The following ADAM28 variants were observed in gnomAD, a reference collection of about 807,000 sequenced individuals.
The protein encoded by ADAM28 is ADAM metallopeptidase domain 28.
Under a neutral mutation model 101.2 loss-of-function variants are expected in ADAM28, and 105 were observed. The observed-to-expected ratio is 1.04, with a 90% confidence interval of 0.89 to 1.22. The LOEUF is 1.22. ADAM28 is among the 50% of genes most tolerant of loss of function. The pLI is 0.00. For missense variants in ADAM28, 1,028 were observed against 945.4 expected, an observed-to-expected ratio of 1.09 and a Z score of -1.15; for synonymous variants, 322 against 310.6, an observed-to-expected ratio of 1.04 and a Z score of -0.39.
chr8:24,354,258 A>T (rs1455451778), intron 22 of ADAM28, 126 bp from the exon 23 acceptor site: 1 of 810,128 alleles, frequency 1.2e-6, no homozygotes, highest in Admixed American at 2.8e-5. Context: ...TTTTTGCTGT[A>T]TCAAGTGACC....
Position 24,349,844 on chromosome 8 carries a change from GC to G in ADAM28, c.1991-16del. 2 of 1,604,282 alleles carry G rather than the reference GC, an allele frequency of 1.2e-6. No individual in the cohort carries two copies. The highest frequency in any genetic ancestry group is 1.7e-6 in the Non-Finnish European group (2 of 1,171,654). ...TGTGTGTTTCTGCAGTCCTCAGCGGGCCCCTGTTCTCTGCTGCAGACTTCTC... is the reference window on the plus strand; with the variant it reads ...TGTGTGTTTCTGCAGTCCTCAGCGGGCCCTGTTCTCTGCTGCAGACTTCTC... On this transcript the variant is annotated intron_variant, in intron 18 of 22. Coordinates refer to ENST00000265769, the MANE Select transcript of ADAM28 (RefSeq NM_014265.6).
intron 14 of ADAM28, chr8:24,336,064 G>A (rs1814007178): frequency 2.0e-6 from 2 of 992,330 alleles, no homozygotes; most frequent in South Asian, 9.4e-5. Flanking sequence ...GTGTGTGCAG[G>A]GGTGGCAGAA....
At chr8:24,351,388 C>A in intron 20 of ADAM28, 78 bp downstream of exon 20, 4 of 1,381,978 alleles carry the variant, frequency 2.9e-6, no homozygotes, top group Non-Finnish European at 3.1e-6. Context: ...GACTACCTAT[C>A]TATCATTTCT....
intron 21 of ADAM28, among the ~76,000 whole-genome samples, chr8:24,352,362 T>G (rs2129343494): frequency 6.6e-6 from 1 of 152,306 alleles, no homozygotes; most frequent in South Asian, 2.1e-4. Flanking sequence ...GATATTTACT[T>G]CTCACATTCT....
At chr8:24,336,032 G>C in intron 14 of ADAM28, 1 of 1,002,784 alleles carries the variant, frequency 1.0e-6, no homozygotes. Context: ...AAATCTGTGT[G>C]TGTGCGGGTG....
rs1469399333 is a variant in ADAM28 at position 24,356,404 on chromosome 8, A to G, written c.*2000A>G. On this transcript the variant is annotated 3_prime_UTR_variant, in exon 23 of 23. Transcript: ENST00000265769. ...ATGTACCATAACCCAAGCAAAAACTAAACCATACACTCTCAAAAGCAGTGG... is the reference window on the plus strand; with the variant it reads ...ATGTACCATAACCCAAGCAAAAACTGAACCATACACTCTCAAAAGCAGTGG... 1 of 152,192 alleles carries G rather than the reference A, an allele frequency of 6.6e-6. No homozygotes were observed. The highest frequency in any genetic ancestry group is 1.5e-5 in the Non-Finnish European group (1 of 68,026). The allele number at this position is 152,192 out of a possible 1,614,324, so 9.4% of individuals were successfully genotyped here. A position where few individuals can be genotyped will look rare whatever the true frequency, so the allele number is the denominator to read the frequency against.
At chr8:24,325,891 A>AAAAAAAAAC (rs1563297054) in intron 9 of ADAM28, among the ~76,000 whole-genome samples, 6 of 144,214 alleles carry the variant, frequency 4.2e-5, no homozygotes, top group Non-Finnish European at 9.1e-5. Flanking sequence ...AAAAAAAAAA[A>AAAAAAAAAC]AAAAAAAAAC....
intron 10 of ADAM28, among the ~76,000 whole-genome samples, chr8:24,328,991 G>C (rs570577627): frequency 6.6e-6 from 1 of 151,664 alleles, no homozygotes; most frequent in Non-Finnish European, 1.5e-5. Context: ...GAGGTCATTC[G>C]AGGGCAAAAA....
At chr8:24,341,451 A>C (rs1585708193) in intron 15 of ADAM28, 147 bp from the exon 16 acceptor site, 5 of 778,426 alleles carry the variant, frequency 6.4e-6, no homozygotes, top group African/African-American at 1.7e-5. Context: ...GCATCCTATT[A>C]CTGAGAAATA....
chr8:24,353,725 C>A, intron 21 of ADAM28, 45 bp from the exon 22 acceptor site: 2 of 1,159,622 alleles, frequency 1.7e-6, no homozygotes, highest in Non-Finnish European at 2.6e-6. Context: ...ATGGGACAAG[C>A]ATAGCATTTC....
intron 1 of ADAM28, among the ~76,000 whole-genome samples, chr8:24,295,081 G>C (rs1397698097): frequency 6.6e-6 from 1 of 152,136 alleles, no homozygotes; most frequent in Non-Finnish European, 1.5e-5. Context: ...GGAGGGAAAA[G>C]TTTTCCTTGT....
intron 1 of ADAM28, 164 bp from the exon 2 acceptor site, chr8:24,299,810 G>A (rs980940427): frequency 4.2e-5 from 21 of 504,090 alleles, no homozygotes; most frequent in African/African-American, 3.9e-4. Context: ...AGCTTTCTGA[G>A]GTTGTTGCTC....
In ADAM28 at chr8:24,354,995, A is replaced by C. The variant is rs1246889877; in HGVS notation, c.*591A>C. On this transcript the variant is annotated 3_prime_UTR_variant, in exon 23 of 23. Coordinates refer to ENST00000265769, the MANE Select transcript of ADAM28 (RefSeq NM_014265.6). ...TATAATTAATTACTGGCATGGTTAA[A>C]GTGGTTTTCACTTTTTAAATGGAGA... The C allele has an allele frequency of 6.6e-6, 1 of 152,612 alleles. No individual in the cohort carries two copies. Among genetic ancestry groups the C allele is most frequent in the Non-Finnish European group, 1.5e-5 (1 of 68,030 alleles). 9.5% of individuals were successfully genotyped at this position (152,612 alleles called of 1,614,324 possible).
intron 18 of ADAM28, among the ~76,000 whole-genome samples, chr8:24,347,850 A>T (rs1488044823): frequency 1.3e-5 from 2 of 151,998 alleles, no homozygotes; most frequent in African/African-American, 4.8e-5. Flanking sequence ...TTTGGTCTGT[A>T]TTTGCCCTGA....
At position 24,321,286 on chromosome 8, in the gene ADAM28, C is replaced by A; in HGVS notation, c.717C>A (p.Asn239Lys). 1 of 1,599,076 alleles carries A rather than the reference C, an allele frequency of 6.3e-7. No individual in the cohort carries two copies. The highest frequency in any genetic ancestry group is 1.1e-5 in the South Asian group (1 of 90,776). Residue 239 changes from asparagine (N) to lysine (K), a missense_variant, in exon 8 of 23, where the codon AAC (asparagine) becomes AAA (lysine). Coordinates refer to ENST00000265769, the MANE Select transcript of ADAM28 (RefSeq NM_014265.6). ...KRVFEMANYVNMLYKKLNTHV... is the reference protein window; with the variant it reads ...KRVFEMANYVKMLYKKLNTHV... The stretch of plus-strand genomic sequence containing the variant: ...TATTTGAGATGGCTAATTATGTCAA[C>A]ATGGTAAGACATATTTTATTACCTG...
intron 15 of ADAM28, among the ~76,000 whole-genome samples, chr8:24,339,820 G>A (rs1216979995): frequency 6.6e-6 from 1 of 152,196 alleles, no homozygotes; most frequent in Admixed American, 6.5e-5. Flanking sequence ...CACAGTCATT[G>A]TTGGGTAGAA....
intron 1 of ADAM28, among the ~76,000 whole-genome samples, chr8:24,294,577 T>C (rs1018131179): frequency 1.3e-5 from 2 of 152,228 alleles, no homozygotes; most frequent in African/African-American, 2.4e-5. Flanking sequence ...TATTTATTAC[T>C]GTGTACAAGG....
In ADAM28 at chr8:24,330,107, A is replaced by G; in HGVS notation, c.1095A>G (p.Lys365=). The change falls in exon 11 of 23, where the codon AAA becomes AAG. Residue 365 remains lysine (K), a synonymous_variant. Coordinates refer to ENST00000265769, the MANE Select transcript of ADAM28 (RefSeq NM_014265.6). The part of the protein sequence containing the change: ...KCPSTICVMD[K]ALSFYIPTDF... ...CTTCTACAATATGTGTGATGGACAA[A>G]GCACTGAGGTGAGGCTCTCTGGGCC... 1 of 1,613,068 alleles carries G rather than the reference A, an allele frequency of 6.2e-7. No individual in the cohort carries two copies. Among genetic ancestry groups the G allele is most frequent in the Non-Finnish European group, 8.5e-7 (1 of 1,179,306 alleles).
intron 15 of ADAM28, 127 bp downstream of exon 15, chr8:24,339,695 T>C (rs1201121497): frequency 1.3e-6 from 1 of 786,078 alleles, no homozygotes; most frequent in Non-Finnish European, 2.0e-6. Context: ...GACAAACATT[T>C]ATTGAGTAAC....
Sources: allele counts gnomAD v4.1 joint callset (sites outside exome capture counted in the v4.1 genomes callset), GRCh38; gene constraint gnomAD v4.1.1; transcripts MANE v1.5; gene names NCBI Gene and HGNC (gene_info 2026-07-23, HGNC 2026-07-21).